Variants in CDYL observed in about 807,000 individuals in gnomAD.
The protein encoded by CDYL is chromodomain Y like, also known as chromodomain Y-like protein.
A neutral mutation model predicts 47.3 loss-of-function variants in CDYL; 8 were observed. The observed-to-expected ratio is 0.17, with a 90% CI of 0.10 to 0.31. The LOEUF is 0.31. Ranked by LOEUF, CDYL falls within the 10% of genes least tolerant of loss-of-function variation. The probability of loss-of-function intolerance (pLI) is 1.00; values close to 1 mark genes in which losing one functional copy is unlikely to be tolerated. For synonymous variants in CDYL, 266 were observed against 265.0 expected (o/e 1.00, Z -0.04); for missense variants, 471 against 701.4 (o/e 0.67, Z 3.71).
intron 3 of CDYL, among the ~76,000 whole-genome samples, chr6:4,735,464 A>G (rs2127415274): frequency 6.6e-6 from 1 of 152,172 alleles, no homozygotes; most frequent in Admixed American, 6.5e-5. Context: ...TTGACATACA[A>G]AAAGCTGTAC....
chr6:4,920,029 T>C (rs1338000167), intron 2 of CDYL, among the ~76,000 whole-genome samples: 1 of 152,146 alleles, frequency 6.6e-6, no homozygotes, highest in Non-Finnish European at 1.5e-5. Context: ...TTAAAAAGCA[T>C]GGAGATTCTC....
At chr6:4,804,747 G>A (rs1179880948) in intron 1 of CDYL, among the ~76,000 whole-genome samples, 1 of 152,212 alleles carries the variant, frequency 6.6e-6, no homozygotes, top group Non-Finnish European at 1.5e-5. Context: ...ATGACCAGTG[G>A]TGGAAATTTT....
chr6:4,895,024 T>C (rs1762176220), intron 2 of CDYL, among the ~76,000 whole-genome samples: 1 of 151,772 alleles, frequency 6.6e-6, no homozygotes. Context: ...TATATGTATG[T>C]ATGTGTATAT....
intron 2 of CDYL, among the ~76,000 whole-genome samples, chr6:4,908,110 A>G (rs1757295445): frequency 6.6e-6 from 1 of 152,126 alleles, no homozygotes; most frequent in African/African-American, 2.4e-5. Flanking sequence ...AAATTCTAGC[A>G]CCCTAGTTAG....
rs397975784 is a variant in CDYL at position 4,811,608 on chromosome 6, CTTTTTTTT to C, written c.24+34813_24+34820del. 3.2e-5 allele frequency among the ~76,000 whole-genome samples: 4 copies of C among 126,730 alleles called. No homozygotes were observed. In the East Asian group the frequency reaches 6.8e-4, roughly 21 times the overall value. 83.1% of individuals were successfully genotyped at this position (126,730 alleles called of 152,430 possible). ...TACACAAGTACTCAATGACATTATT[CTTTTTTTT>C]TTTTTTTTTTTGAGACAGGGTCTCT... is the stretch of plus-strand genomic sequence containing the variant. On this transcript the variant is annotated intron_variant, in intron 1 of 6. Transcript: ENST00000397588.
chr6:4,830,434 C>T (rs1477424932), intron 1 of CDYL, among the ~76,000 whole-genome samples: 1 of 152,140 alleles, frequency 6.6e-6, no homozygotes, highest in Non-Finnish European at 1.5e-5. Flanking sequence ...GATCAGGCTA[C>T]CCCATTGTGT....
chr6:4,930,806 C>T (rs1193442763), intron 2 of CDYL, among the ~76,000 whole-genome samples: 1 of 152,158 alleles, frequency 6.6e-6, no homozygotes, highest in Non-Finnish European at 1.5e-5. Context: ...CTTTCCTAGT[C>T]GAATGTTATG....
intron 1 of CDYL, among the ~76,000 whole-genome samples, chr6:4,788,638 C>T (rs1758827697): frequency 6.6e-6 from 1 of 151,860 alleles, no homozygotes; most frequent in Non-Finnish European, 1.5e-5. Context: ...GAAACACCAC[C>T]CCTCCCCCAC....
intron 1 of CDYL, among the ~76,000 whole-genome samples, chr6:4,812,731 T>C (rs1322593443): frequency 6.6e-6 from 1 of 152,182 alleles, no homozygotes; most frequent in Non-Finnish European, 1.5e-5. Flanking sequence ...TTTTTTTTTT[T>C]CATGGCTGAA....
chr6:4,863,730 G>T (rs1327469416), intron 1 of CDYL, among the ~76,000 whole-genome samples: 3 of 152,200 alleles, frequency 2.0e-5, no homozygotes, highest in South Asian at 2.1e-4. Flanking sequence ...CATATTTCTT[G>T]CAGAAGCTGA....
chr6:4,815,217 A>G (rs1173166658), intron 1 of CDYL, among the ~76,000 whole-genome samples: 2 of 152,212 alleles, frequency 1.3e-5, no homozygotes, highest in Non-Finnish European at 2.9e-5. Flanking sequence ...ATATGTATGT[A>G]TGTGTATATA....
Position 4,952,294 on chromosome 6 carries a change from A to G in CDYL, c.1361A>G (p.Lys454Arg). The G allele has an allele frequency of 6.2e-7, 1 of 1,614,082 alleles. No homozygotes were observed. Among genetic ancestry groups the G allele is most frequent in the Non-Finnish European group, 8.5e-7 (1 of 1,179,994 alleles). ...AACGAGATGCTGCTCAGTGGACGGA[A>G]GCTGACAGCGCAGGAGGCGTGTGGC... ...SANEMLLSGR[K>R]LTAQEACGKG... Residue 454 changes from lysine (K) to arginine (R), a missense_variant, in exon 6 of 7, where the codon AAG (lysine) becomes AGG (arginine). By Grantham distance (26) the Lys-to-Arg change is conservative. Coordinates refer to ENST00000397588, the MANE Select transcript of CDYL (RefSeq NM_004824.4).
intron 1 of CDYL, among the ~76,000 whole-genome samples, chr6:4,788,608 G>A (rs930331852): frequency 6.6e-6 from 1 of 151,808 alleles, no homozygotes; most frequent in African/African-American, 2.4e-5. Flanking sequence ...CTGAAGGTGG[G>A]TCAGGAACTC....
chr6:4,715,074 C>T (rs1757227955), intron 1 of CDYL, among the ~76,000 whole-genome samples: 1 of 152,188 alleles, frequency 6.6e-6, no homozygotes, highest in African/African-American at 2.4e-5. Context: ...TCCATAAACC[C>T]TCTGCATAGG....
intron 1 of CDYL, among the ~76,000 whole-genome samples, chr6:4,856,664 G>T (rs1462577591): frequency 1.3e-5 from 2 of 152,156 alleles, no homozygotes; most frequent in Non-Finnish European, 2.9e-5. Flanking sequence ...ACTGAACCTG[G>T]GTGGGAAAGA....
At chr6:4,731,318 A>G (rs1256114637) in intron 2 of CDYL, among the ~76,000 whole-genome samples, 1 of 152,240 alleles carries the variant, frequency 6.6e-6, no homozygotes, top group Admixed American at 6.5e-5. Flanking sequence ...TAGTTAAGAC[A>G]TAAATCCTTC....
At chr6:4,755,900 G>A (rs1427036577) in intron 3 of CDYL, among the ~76,000 whole-genome samples, 3 of 152,212 alleles carry the variant, frequency 2.0e-5, no homozygotes, top group East Asian at 3.9e-4. Context: ...TATTTTCTCT[G>A]TAACAAACTT....
chr6:4,758,351 A>AAAAAAAATATATATATATATATAT (rs1554134098), intron 3 of CDYL, among the ~76,000 whole-genome samples: 38 of 129,074 alleles, frequency 2.9e-4, no homozygotes, highest in African/African-American at 9.8e-4. Context: ...AAAATAAATA[A>AAAAAAAATATATATATATATATAT]ATATATATAT....
intron 1 of CDYL, among the ~76,000 whole-genome samples, chr6:4,838,177 G>T (rs1431965557): frequency 6.6e-6 from 1 of 151,760 alleles, no homozygotes; most frequent in African/African-American, 2.4e-5. Context: ...ATTTTAATAG[G>T]TCTTTTGGGA....
Sources: allele counts gnomAD v4.1 joint callset (sites outside exome capture counted in the v4.1 genomes callset), GRCh38; gene constraint gnomAD v4.1.1; transcripts MANE v1.5; gene names NCBI Gene and HGNC (gene_info 2026-07-23, HGNC 2026-07-21).